Variants in FAM13A observed in about 807,000 individuals in gnomAD.
The protein encoded by FAM13A is family with sequence similarity 13 member A, also known as protein FAM13A.
In FAM13A, 76 loss-of-function variants were observed where a neutral mutation model predicts 129.6. The ratio of observed to expected loss-of-function variants is 0.59; its 90% CI spans 0.49 to 0.71. The LOEUF is 0.71. Ranked by LOEUF, FAM13A falls within the 30% of genes least tolerant of loss-of-function variation. FAM13A has a pLI of 0.00. For synonymous variants in FAM13A, 443 were observed against 449.9 expected (o/e 0.98, Z 0.20); for missense variants, 1,108 against 1,249.3 (o/e 0.89, Z 1.70).
intron 7 of FAM13A, among the ~76,000 whole-genome samples, chr4:88,828,662 T>C (rs1404892686): frequency 6.6e-6 from 1 of 152,214 alleles, no homozygotes; most frequent in Non-Finnish European, 1.5e-5. Flanking sequence ...TACTCTTCTA[T>C]AGATTCTGAA....
At chr4:89,042,589 A>G (rs950943899) in intron 1 of FAM13A, among the ~76,000 whole-genome samples, 1 of 152,226 alleles carries the variant, frequency 6.6e-6, no homozygotes, top group African/African-American at 2.4e-5. Context: ...AGAATCCATG[A>G]ATCATGAGAC....
At chr4:88,849,954 T>A (rs1029615942) in intron 7 of FAM13A, among the ~76,000 whole-genome samples, 1 of 152,180 alleles carries the variant, frequency 6.6e-6, no homozygotes, top group Non-Finnish European at 1.5e-5. Flanking sequence ...ACTCTTGTCT[T>A]CTTTCTCTTC....
chr4:88,887,162 C>T (rs1744561084), intron 6 of FAM13A, among the ~76,000 whole-genome samples: 1 of 141,376 alleles, frequency 7.1e-6, no homozygotes, highest in Admixed American at 7.1e-5. Flanking sequence ...TGGGAGGGGG[C>T]GAGACTACAC....
chr4:88,989,452 A>G (rs1762678598), intron 4 of FAM13A, among the ~76,000 whole-genome samples: 1 of 152,188 alleles, frequency 6.6e-6, no homozygotes, highest in South Asian at 2.1e-4. Context: ...AAATACAAAA[A>G]TTAATTGGGC....
At chr4:88,880,323 C>A (rs1457778238) in intron 6 of FAM13A, among the ~76,000 whole-genome samples, 1 of 152,054 alleles carries the variant, frequency 6.6e-6, no homozygotes, top group East Asian at 1.9e-4. Flanking sequence ...CACTGGGAAA[C>A]CTGAAGGTCC....
intron 7 of FAM13A, among the ~76,000 whole-genome samples, chr4:88,846,255 A>C (rs1736624760): frequency 6.6e-6 from 1 of 152,194 alleles, no homozygotes; most frequent in African/African-American, 2.4e-5. Context: ...GCTTACAAAC[A>C]ATGGAACTAT....
intron 4 of FAM13A, among the ~76,000 whole-genome samples, chr4:88,979,838 GCA>G (rs1761428540): frequency 6.6e-6 from 1 of 152,090 alleles, no homozygotes; most frequent in South Asian, 2.1e-4. Flanking sequence ...AGGTGTGGTG[GCA>G]TGTGTCTGTA....
At chr4:88,944,638 A>G (rs557189433) in intron 4 of FAM13A, among the ~76,000 whole-genome samples, 3 of 152,336 alleles carry the variant, frequency 2.0e-5, no homozygotes, top group South Asian at 4.1e-4. Flanking sequence ...ATGGTGGCTC[A>G]CGCCTGTAAT....
chr4:89,042,501 G>A (rs1770283499), intron 1 of FAM13A, among the ~76,000 whole-genome samples: 1 of 152,060 alleles, frequency 6.6e-6, no homozygotes, highest in African/African-American at 2.4e-5. Flanking sequence ...TATCTTATTC[G>A]TTACCCTTAC....
In FAM13A at chr4:88,991,655, A is replaced by T. The variant is rs189415568; in HGVS notation, c.428-505T>A. On this transcript the variant is annotated intron_variant, in intron 3 of 23. Transcript: ENST00000264344. ...TCAAAATCAGGATTCTTTTGAATAA[A>T]ATTTGATATGAGAGACCTTCAAGGG... Among the ~76,000 whole-genome samples, 780 of 152,246 alleles carry T rather than the reference A, an allele frequency of 5.1e-3. 13 individuals are homozygous for T. Among genetic ancestry groups the T allele is most frequent in the African/African-American group, 0.017 (710 of 41,534 alleles).
At chr4:88,988,369 C>T (rs1422086611) in intron 4 of FAM13A, among the ~76,000 whole-genome samples, 1 of 152,136 alleles carries the variant, frequency 6.6e-6, no homozygotes, top group Non-Finnish European at 1.5e-5. Flanking sequence ...CTTGAATGGA[C>T]TCTCCAAATG....
intron 4 of FAM13A, 71 bp downstream of exon 4, chr4:88,990,902 C>T: frequency 8.7e-7 from 1 of 1,153,300 alleles, no homozygotes; most frequent in Non-Finnish European, 1.3e-6. Flanking sequence ...TTCTACATCC[C>T]AGTAATTTCA....
At chr4:88,905,630 C>A (rs942559893) in intron 6 of FAM13A, 2 of 152,092 alleles carry the variant, frequency 1.3e-5, no homozygotes, top group African/African-American at 2.4e-5. Context: ...TCATTTAGCT[C>A]CTATTTATAA....
At chr4:88,906,288 AAAACAAAC>A (rs369611615) in intron 6 of FAM13A, 83 bp downstream of exon 6, 3 of 940,894 alleles carry the variant, frequency 3.2e-6, no homozygotes, top group Non-Finnish European at 4.9e-6. Flanking sequence ...ACTCTGTCTC[AAAACAAAC>A]AAACAAACAA....
At chr4:88,795,766 T>C (rs1726038741) in intron 8 of FAM13A, among the ~76,000 whole-genome samples, 1 of 151,834 alleles carries the variant, frequency 6.6e-6, no homozygotes, top group African/African-American at 2.4e-5. Context: ...AAGTGCTTTT[T>C]TTGATTCAAA....
intron 7 of FAM13A, chr4:88,822,929 A>G (rs1732301511): frequency 2.5e-6 from 4 of 1,603,886 alleles, no homozygotes; most frequent in Non-Finnish European, 3.4e-6. Context: ...GGCTTGATAC[A>G]ACTCAAAAAA....
intron 6 of FAM13A, among the ~76,000 whole-genome samples, chr4:88,885,379 A>G (rs945495015): frequency 3.3e-5 from 5 of 152,200 alleles, no homozygotes; most frequent in African/African-American, 4.8e-5. Flanking sequence ...TGGATCTTCA[A>G]TGAAGCAAAC....
chr4:88,904,866 T>G (rs1423129506), intron 6 of FAM13A, among the ~76,000 whole-genome samples: 3 of 152,226 alleles, frequency 2.0e-5, no homozygotes, highest in Non-Finnish European at 4.4e-5. Context: ...AAACAAAATT[T>G]TACACATTAA....
chr4:88,767,820 A>C (rs1011439660), intron 12 of FAM13A, among the ~76,000 whole-genome samples, 163 bp downstream of exon 12: 5 of 152,206 alleles, frequency 3.3e-5, no homozygotes, highest in African/African-American at 7.2e-5. Context: ...TAGCACTGTG[A>C]TAGATTTTCT....
Sources: allele counts gnomAD v4.1 joint callset (sites outside exome capture counted in the v4.1 genomes callset), GRCh38; gene constraint gnomAD v4.1.1; transcripts MANE v1.5; gene names NCBI Gene and HGNC (gene_info 2026-07-23, HGNC 2026-07-21).